The following LIPC variants were observed in gnomAD, a reference collection of about 807,000 sequenced individuals.
LIPC encodes hepatic triacylglycerol lipase.
A neutral mutation model predicts 50.7 loss-of-function variants in LIPC; 44 were observed. The observed-to-expected ratio is 0.87, with a 90% confidence interval of 0.68 to 1.11. LIPC has a LOEUF of 1.11. Among genes scored for constraint, LIPC ranks in the 50% most tolerant of loss-of-function variants. LIPC has a pLI of 0.00. For synonymous variants in LIPC, 271 were observed against 256.4 expected, an observed-to-expected ratio of 1.06 and a Z score of -0.54; for missense variants, 697 against 648.2, an observed-to-expected ratio of 1.08 and a Z score of -0.82.
chr15:58,561,979 G>T (rs1595956883), intron 7 of LIPC, among the ~76,000 whole-genome samples: 1 of 152,252 alleles, frequency 6.6e-6, no homozygotes, highest in African/African-American at 2.4e-5. Flanking sequence ...GTTTACATGG[G>T]CTTGAGCATT....
At chr15:58,529,264 G>A (rs1361713278) in intron 1 of LIPC, among the ~76,000 whole-genome samples, 1 of 152,210 alleles carries the variant, frequency 6.6e-6, no homozygotes, top group Non-Finnish European at 1.5e-5. Context: ...CAGCTGAAGG[G>A]CCTGTGATTG....
intron 1 of LIPC, among the ~76,000 whole-genome samples, chr15:58,492,621 C>T (rs1210892591): frequency 3.3e-5 from 5 of 152,222 alleles, no homozygotes. Flanking sequence ...TGCCACCCAG[C>T]TCTGCAAATG....
intron 6 of LIPC, 68 bp from the exon 7 acceptor site, chr15:58,560,794 TAA>T (rs1165878124): frequency 8.2e-6 from 6 of 733,810 alleles, no homozygotes; most frequent in Admixed American, 4.1e-5. Context: ...TTTTAAGAAA[TAA>T]GAGATTTTTA....
At chr15:58,552,693 G>A (rs1338483959) in intron 6 of LIPC, among the ~76,000 whole-genome samples, 1 of 152,210 alleles carries the variant, frequency 6.6e-6, no homozygotes, top group African/African-American at 2.4e-5. Flanking sequence ...GTCTGTTTTT[G>A]GCTTCTCTCA....
intron 1 of LIPC, among the ~76,000 whole-genome samples, chr15:58,459,021 G>A (rs1165792299): frequency 3.9e-5 from 6 of 152,178 alleles, no homozygotes; most frequent in African/African-American, 1.4e-4. Flanking sequence ...ATAGAACATT[G>A]AGAAGGCTAT....
chr15:58,563,052 A>T (rs904012137), intron 7 of LIPC, among the ~76,000 whole-genome samples: 1 of 152,148 alleles, frequency 6.6e-6, no homozygotes, highest in Non-Finnish European at 1.5e-5. Context: ...TATTACTGTT[A>T]TGCCTCACTG....
Position 58,541,794 on chromosome 15 carries a change from G to A in LIPC, c.283G>A (p.Val95Met), listed in dbSNP as rs6078. 0.046 allele frequency: 73,638 copies of A among 1,613,264 alleles called. 3,759 individuals carry two copies. Among genetic ancestry groups the A allele is most frequent in the East Asian group, 0.29 (13,088 of 44,820 alleles). The change falls in exon 3 of 9, where the codon GTG becomes ATG. Residue 95 changes from valine (V) to methionine (M), a missense_variant. Physicochemically the swap from Val to Met is conservative, Grantham distance 21. Transcript: ENST00000299022. ...TCTGTCCCCTCCTCAGGTGGACGGC[G>A]TGCTAGAAAACTGGATCTGGCAGAT... ...MIIHGWSVDG[V>M]LENWIWQMVA...
intron 1 of LIPC, among the ~76,000 whole-genome samples, chr15:58,444,552 AG>A (rs1370592068): frequency 2.0e-5 from 3 of 152,182 alleles, no homozygotes; most frequent in African/African-American, 7.2e-5. Flanking sequence ...AGGGGTCAGC[AG>A]GGTGGGTTTC....
At chr15:58,523,895 A>C (rs1892727981) in intron 1 of LIPC, among the ~76,000 whole-genome samples, 1 of 152,190 alleles carries the variant, frequency 6.6e-6, no homozygotes, top group South Asian at 2.1e-4. Flanking sequence ...CGATCACTAC[A>C]CTCCAGCCCA....
chr15:58,552,091 G>A (rs1893783174), intron 6 of LIPC, among the ~76,000 whole-genome samples: 1 of 152,216 alleles, frequency 6.6e-6, no homozygotes, highest in Non-Finnish European at 1.5e-5. Flanking sequence ...AAACGGATCT[G>A]TACGGAGTAA....
At chr15:58,548,236 C>A in intron 5 of LIPC, 94 bp from the exon 6 acceptor site, 1 of 1,567,974 alleles carries the variant, frequency 6.4e-7, no homozygotes, top group Non-Finnish European at 8.8e-7. Flanking sequence ...TGTGCTACTG[C>A]TAACCTCCTG....
At chr15:58,526,798 A>G (rs1363511427) in intron 1 of LIPC, among the ~76,000 whole-genome samples, 1 of 152,242 alleles carries the variant, frequency 6.6e-6, no homozygotes, top group Non-Finnish European at 1.5e-5. Flanking sequence ...TAGATATTTC[A>G]TCAACTTCGT....
At chr15:58,472,674 A>G in intron 1 of LIPC, among the ~76,000 whole-genome samples, 1 of 152,124 alleles carries the variant, frequency 6.6e-6, no homozygotes, top group Non-Finnish European at 1.5e-5. Flanking sequence ...ATTATAAAAC[A>G]AATTGTATAA....
At chr15:58,453,195 T>C (rs963383803) in intron 1 of LIPC, among the ~76,000 whole-genome samples, 3 of 152,106 alleles carry the variant, frequency 2.0e-5, no homozygotes, top group African/African-American at 7.2e-5. Flanking sequence ...TTCAGATGGC[T>C]AAAACAGGCA....
intron 1 of LIPC, among the ~76,000 whole-genome samples, chr15:58,497,473 G>A (rs1396718271): frequency 6.6e-6 from 1 of 152,166 alleles, no homozygotes; most frequent in Non-Finnish European, 1.5e-5. Context: ...GACCAGTCAG[G>A]GAGAGCTTGT....
At chr15:58,476,236 G>A (rs536972659) in intron 1 of LIPC, among the ~76,000 whole-genome samples, 90 of 152,264 alleles carry the variant, frequency 5.9e-4, no homozygotes, top group Non-Finnish European at 1.1e-3. Flanking sequence ...CAGAGTCTCT[G>A]GTACAGCAGG....
intron 1 of LIPC, among the ~76,000 whole-genome samples, chr15:58,501,594 T>C (rs528994017): frequency 6.6e-6 from 1 of 152,260 alleles, no homozygotes; most frequent in Admixed American, 6.5e-5. Flanking sequence ...CCATCAGCGC[T>C]GAATGAACTG....
At chr15:58,458,276 G>A (rs1269781752) in intron 1 of LIPC, among the ~76,000 whole-genome samples, 4 of 152,138 alleles carry the variant, frequency 2.6e-5, no homozygotes, top group African/African-American at 4.8e-5. Flanking sequence ...GAAGTTCACA[G>A]ACTGAACTTT....
chr15:58,520,477 G>C (rs576546148), intron 1 of LIPC, among the ~76,000 whole-genome samples: 1 of 152,280 alleles, frequency 6.6e-6, no homozygotes, highest in Admixed American at 6.5e-5. Flanking sequence ...CTCCATGAAA[G>C]CAGGGAGGAC....
Sources: gnomAD v4.1 joint callset for allele counts (sites outside exome capture counted in the v4.1 genomes callset) on GRCh38, gnomAD v4.1.1 for gene constraint, MANE v1.5 for transcripts, NCBI Gene and HGNC (gene_info 2026-07-23, HGNC 2026-07-21) for gene names.